ARSG: variants seen among roughly 807,000 people sequenced by gnomAD.
ARSG encodes ASG.
ARSG carries 37 observed loss-of-function variants against 50.5 expected under a neutral mutation model. The observed-to-expected ratio is 0.73, with a 90% CI of 0.56 to 0.96. The LOEUF is 0.96. ARSG is among the 50% of genes least tolerant of loss of function. The probability of loss-of-function intolerance (pLI) is 0.00; values close to 1 mark genes in which losing one functional copy is unlikely to be tolerated. For synonymous variants in ARSG, 225 were observed against 254.6 expected, an observed-to-expected ratio of 0.88 and a Z score of 1.11; for missense variants, 629 against 675.3, an observed-to-expected ratio of 0.93 and a Z score of 0.76.
chr17:68,449,082 T>G, the ARSG span, among the ~76,000 whole-genome samples: 1 of 152,230 alleles, frequency 6.6e-6, no homozygotes, highest in Non-Finnish European at 1.5e-5. Context: ...TTGTCTCATT[T>G]GTTAAAAAAA....
At chr17:68,288,994 C>A (rs1304284133), upstream of ARSG, among the ~76,000 whole-genome samples, 1 of 152,204 alleles carries the variant, frequency 6.6e-6, no homozygotes, top group African/African-American at 2.4e-5. Flanking sequence ...TACAATGACA[C>A]AATCCACGGG....
chr17:68,361,274 G>T (rs2079273047), intron 6 of ARSG, among the ~76,000 whole-genome samples: 1 of 152,170 alleles, frequency 6.6e-6, no homozygotes, highest in South Asian at 2.1e-4. Flanking sequence ...CCCCCATGTT[G>T]GGATTAGTGT....
chr17:68,270,849 C>T (rs782723677), intron 1 of ARSG: 28 of 1,606,328 alleles, frequency 1.7e-5, no homozygotes, highest in Middle Eastern at 3.3e-4. Context: ...CTGCAAGGGG[C>T]GGTCCAGCCA....
At chr17:68,348,078 C>T (rs766412649) in intron 4 of ARSG, among the ~76,000 whole-genome samples, 24 of 152,200 alleles carry the variant, frequency 1.6e-4, no homozygotes, top group Non-Finnish European at 3.1e-4. Context: ...CATTGGCTGA[C>T]GTCTTCTTCA....
At position 68,420,753 on chromosome 17, in the gene ARSG, C is replaced by A; in HGVS notation, c.*290C>A. On this transcript the variant is annotated 3_prime_UTR_variant, in exon 12 of 12. Coordinates refer to ENST00000621439, the MANE Select transcript of ARSG (RefSeq NM_001267727.2). ...TTTTGAACTTGGGCAATTGTTTAAC[C>A]TAACCTGCAAGTTGATTTTGAGGGT... The A allele has an allele frequency of 2.4e-6, 1 of 419,214 alleles. No individual in the cohort carries two copies. The highest frequency in any genetic ancestry group is 4.3e-6 in the Non-Finnish European group (1 of 234,394). 26.0% of individuals were successfully genotyped at this position (419,214 alleles called of 1,614,324 possible). A position where few individuals can be genotyped will look rare whatever the true frequency, so the allele number is the denominator to read the frequency against.
upstream of ARSG, chr17:68,291,297 T>G (rs1255741316): frequency 5.0e-4 from 16 of 32,194 alleles, no homozygotes; most frequent in East Asian, 5.2e-3. Context: ...AGCCACACCC[T>G]CCCCCCGCCC....
chr17:68,420,195 C>T lies in ARSG; in HGVS notation c.1310C>T (p.Ala437Val), dbSNP rs776265562. ...GTTGTCATTCCCTCTCTAGGTGGAG[C>T]CAGGGCGTGTGATGGGAGCACGGGG... ...RYKAFYITGG[A>V]RACDGSTGPE... is the part of the protein sequence containing the mutation. The change falls in exon 12 of 12, where the codon GCC (alanine) becomes GTC (valine). Residue 437 changes from alanine to valine, a missense_variant. Transcript: ENST00000621439. 29 of 1,613,642 alleles carry T rather than the reference C, an allele frequency of 1.8e-5. No homozygotes were observed. In the East Asian group the frequency reaches 6.5e-4, roughly 36 times the overall value.
chr17:68,436,864 C>T, the ARSG span, among the ~76,000 whole-genome samples: 1 of 151,958 alleles, frequency 6.6e-6, no homozygotes, highest in Admixed American at 6.6e-5. Flanking sequence ...CATGGTGGTG[C>T]GTGCCTATAG....
At chr17:68,275,479 A>G (rs1224256636) in intron 1 of ARSG, among the ~76,000 whole-genome samples, 1 of 152,226 alleles carries the variant, frequency 6.6e-6, no homozygotes, top group Non-Finnish European at 1.5e-5. Context: ...ATTAACAACT[A>G]GAATAATAGC....
the ARSG span, among the ~76,000 whole-genome samples, chr17:68,432,250 G>A: frequency 1.3e-4 from 20 of 152,064 alleles, no homozygotes; most frequent in South Asian, 2.1e-4. Context: ...ATGAGGGGAC[G>A]TCAGTCCCAT....
chr17:68,402,792 T>C (rs1024311652), intron 11 of ARSG, among the ~76,000 whole-genome samples: 6 of 152,240 alleles, frequency 3.9e-5, no homozygotes, highest in African/African-American at 1.2e-4. Context: ...CCCAAAGTGC[T>C]GGGATTACAG....
intron 11 of ARSG, among the ~76,000 whole-genome samples, chr17:68,410,928 T>C (rs866758464): frequency 1.3e-5 from 2 of 152,238 alleles, no homozygotes; most frequent in South Asian, 2.1e-4. Context: ...TTTGTAGTAT[T>C]CTCTGATGGT....
At chr17:68,438,428 G>T in the ARSG span, among the ~76,000 whole-genome samples, 1 of 152,340 alleles carries the variant, frequency 6.6e-6, no homozygotes, top group East Asian at 1.9e-4. Flanking sequence ...TTGTGAAACT[G>T]GGGAGGGAAG....
At chr17:68,312,561 G>T (rs1369062510) in intron 2 of ARSG, among the ~76,000 whole-genome samples, 1 of 152,038 alleles carries the variant, frequency 6.6e-6, no homozygotes, top group Non-Finnish European at 1.5e-5. Context: ...ATCCTGAGCA[G>T]AAAGGAGGAC....
the ARSG span, among the ~76,000 whole-genome samples, chr17:68,445,881 G>GAGCT: frequency 6.6e-6 from 1 of 152,288 alleles, no homozygotes; most frequent in South Asian, 2.1e-4. Flanking sequence ...GATGCCCAAG[G>GAGCT]AGCTGCCCAA....
intron 2 of ARSG, among the ~76,000 whole-genome samples, chr17:68,333,908 G>A (rs1193704457): frequency 3.3e-5 from 5 of 152,132 alleles, no homozygotes; most frequent in Admixed American, 2.6e-4. Flanking sequence ...GTCCCAATAC[G>A]TGTGGCTGCC....
chr17:68,395,001 G>A (rs1384997084), intron 9 of ARSG, 72 bp from the exon 10 acceptor site: 1 of 1,591,758 alleles, frequency 6.3e-7, no homozygotes, highest in Non-Finnish European at 8.6e-7. Context: ...TGGTTCAGGT[G>A]GGGGTTGACA....
chr17:68,352,119 GGA>G (rs149581343), intron 5 of ARSG, among the ~76,000 whole-genome samples: 1,135 of 73,026 alleles, frequency 0.016, 60 homozygotes, highest in African/African-American at 0.051. Flanking sequence ...GAGAGACAGA[GGA>G]GAGAGAGAGA....
chr17:68,281,382 C>A (rs1276033453), intron 1 of ARSG, among the ~76,000 whole-genome samples: 5 of 151,980 alleles, frequency 3.3e-5, no homozygotes, highest in African/African-American at 1.2e-4. Context: ...TCCTGGCCAA[C>A]ATAGTGAAAT....
Sources: allele counts gnomAD v4.1 joint callset (sites outside exome capture counted in the v4.1 genomes callset), GRCh38; gene constraint gnomAD v4.1.1; transcripts MANE v1.5; gene names NCBI Gene and HGNC (gene_info 2026-07-23, HGNC 2026-07-21).